SLC9A9: variants seen among roughly 807,000 people sequenced by gnomAD.
The protein encoded by SLC9A9 is solute carrier family 9 member A9.
A neutral mutation model predicts 77.8 loss-of-function variants in SLC9A9; 62 were observed. The observed-to-expected ratio is 0.80, with a 90% CI of 0.65 to 0.98. SLC9A9 has a LOEUF of 0.98. Among genes scored for constraint, SLC9A9 ranks in the 50% least tolerant of loss-of-function variants. The pLI is 0.00. For missense variants in SLC9A9, 775 were observed against 774.9 expected (o/e 1.00, Z 0.00); for synonymous variants, 320 against 283.5 (o/e 1.13, Z -1.29).
chr3:143,764,437 A>G (rs936125617), intron 4 of SLC9A9, among the ~76,000 whole-genome samples: 1 of 152,200 alleles, frequency 6.6e-6, no homozygotes, highest in African/African-American at 2.4e-5. Flanking sequence ...AGCAGTGCCA[A>G]CTGCTGCCCT....
chr3:143,441,156 G>A (rs966860054), intron 12 of SLC9A9, among the ~76,000 whole-genome samples: 3 of 152,098 alleles, frequency 2.0e-5, no homozygotes, highest in Non-Finnish European at 2.9e-5. Flanking sequence ...TGCCAAAGTG[G>A]TAAACAGTAA....
At position 143,662,010 on chromosome 3, in the gene SLC9A9, C is replaced by T. The variant is rs569508689; in HGVS notation, c.650-9650G>A. 3.9e-5 allele frequency among the ~76,000 whole-genome samples: 6 copies of T among 152,296 alleles called. No individual in the cohort carries two copies. The East Asian group carries it at 1.2e-3, about 29-fold the overall frequency. Reference sequence around the variant, plus strand: ...GAATTACAATCTCAAGGAGTGGAACCATCACTGACCACAAACTTTATGTTT... The same window carrying T: ...GAATTACAATCTCAAGGAGTGGAACTATCACTGACCACAAACTTTATGTTT... On this transcript the variant is annotated intron_variant, in intron 5 of 15. Transcript: ENST00000316549.
chr3:143,292,444 A>G (rs1283608822), intron 14 of SLC9A9, among the ~76,000 whole-genome samples: 1 of 152,162 alleles, frequency 6.6e-6, no homozygotes, highest in Non-Finnish European at 1.5e-5. Context: ...CTTGGTGCAT[A>G]CAGCTGAGAT....
At chr3:143,301,588 C>G (rs1019605290) in intron 14 of SLC9A9, among the ~76,000 whole-genome samples, 1 of 152,142 alleles carries the variant, frequency 6.6e-6, no homozygotes, top group African/African-American at 2.4e-5. Flanking sequence ...ATGAGACAGA[C>G]GCATTCTCCA....
intron 4 of SLC9A9, among the ~76,000 whole-genome samples, chr3:143,720,155 TTA>T (rs1222058975): frequency 6.6e-6 from 1 of 151,136 alleles, no homozygotes; most frequent in Non-Finnish European, 1.5e-5. Flanking sequence ...ATCTCACATC[TTA>T]TATAGTATAT....
chr3:143,485,939 A>G (rs1175775727), intron 11 of SLC9A9, among the ~76,000 whole-genome samples: 3 of 152,078 alleles, frequency 2.0e-5, no homozygotes, highest in Non-Finnish European at 4.4e-5. Flanking sequence ...ATAAACACCC[A>G]AGAAGCTTCA....
chr3:143,755,159 T>G (rs961111865), intron 4 of SLC9A9, among the ~76,000 whole-genome samples: 9 of 152,254 alleles, frequency 5.9e-5, no homozygotes, highest in Admixed American at 5.9e-4. Flanking sequence ...GCACAATAGG[T>G]GATTTAGGAG....
intron 4 of SLC9A9, among the ~76,000 whole-genome samples, chr3:143,722,550 A>G (rs1052134066): frequency 6.0e-5 from 9 of 151,180 alleles, no homozygotes; most frequent in Non-Finnish European, 1.2e-4. Flanking sequence ...TCACTGTACC[A>G]AAGCCTGGCT....
intron 14 of SLC9A9, among the ~76,000 whole-genome samples, chr3:143,274,616 G>A (rs1391534745): frequency 6.6e-6 from 1 of 152,158 alleles, no homozygotes; most frequent in East Asian, 1.9e-4. Context: ...AACTGTTGGT[G>A]TGAACTGGCT....
intron 6 of SLC9A9, among the ~76,000 whole-genome samples, chr3:143,583,820 TC>T (rs758049601): frequency 6.6e-6 from 1 of 152,176 alleles, no homozygotes; most frequent in Non-Finnish European, 1.5e-5. Flanking sequence ...AATCAAAACT[TC>T]TATCCAAACA....
chr3:143,825,414 G>GA (rs11452243), intron 2 of SLC9A9, among the ~76,000 whole-genome samples: 89,129 of 148,938 alleles, frequency 0.6, 27,573 homozygotes, highest in Non-Finnish European at 0.69. Context: ...TGGATGGTGA[G>GA]AAAAAAAAAA....
intron 4 of SLC9A9, among the ~76,000 whole-genome samples, chr3:143,743,433 A>G (rs1277057189): frequency 6.6e-6 from 1 of 152,202 alleles, no homozygotes; most frequent in East Asian, 1.9e-4. Context: ...CAATAGGCAA[A>G]GGATAAAGGC....
intron 12 of SLC9A9, among the ~76,000 whole-genome samples, chr3:143,432,509 G>C (rs73867628): frequency 0.011 from 1,749 of 152,238 alleles, 37 homozygotes; most frequent in African/African-American, 0.039. Flanking sequence ...AGGAAAACTG[G>C]AACAGTTCCA....
chr3:143,716,626 C>A (rs568006346), intron 4 of SLC9A9, among the ~76,000 whole-genome samples: 1 of 152,232 alleles, frequency 6.6e-6, no homozygotes, highest in South Asian at 2.1e-4. Context: ...ACTATGGAAG[C>A]AGTAGGTCAA....
intron 4 of SLC9A9, among the ~76,000 whole-genome samples, chr3:143,759,669 C>T (rs1230874011): frequency 2.0e-5 from 3 of 151,468 alleles, no homozygotes; most frequent in Non-Finnish European, 4.4e-5. Context: ...TTTCAAGCTG[C>T]TCTGGGTTGG....
chr3:143,673,216 C>T (rs1026805100), intron 5 of SLC9A9, among the ~76,000 whole-genome samples: 3 of 152,154 alleles, frequency 2.0e-5, no homozygotes, highest in African/African-American at 7.2e-5. Context: ...TCCAGTGCTT[C>T]TATCTGATTA....
chr3:143,430,681 T>C (rs959620612), intron 12 of SLC9A9, among the ~76,000 whole-genome samples: 10 of 152,138 alleles, frequency 6.6e-5, no homozygotes, highest in African/African-American at 2.4e-4. Context: ...TTCACTCACA[T>C]TGGATAGATT....
intron 6 of SLC9A9, among the ~76,000 whole-genome samples, chr3:143,648,428 A>G (rs1179680029): frequency 6.6e-6 from 1 of 152,126 alleles, no homozygotes; most frequent in African/African-American, 2.4e-5. Flanking sequence ...TTGCGCTGCT[A>G]GGAGAATCTA....
chr3:143,271,099 C>T (rs1937883997), intron 14 of SLC9A9, among the ~76,000 whole-genome samples: 1 of 142,434 alleles, frequency 7.0e-6, no homozygotes, highest in South Asian at 2.4e-4. Context: ...ACTTAGTAGC[C>T]ATTGTGGTTA....
Sources: allele counts gnomAD v4.1 joint callset (sites outside exome capture counted in the v4.1 genomes callset), GRCh38; gene constraint gnomAD v4.1.1; transcripts MANE v1.5; gene names NCBI Gene and HGNC (gene_info 2026-07-23, HGNC 2026-07-21).